The following PHACTR1 variants were observed in gnomAD, a reference collection of about 807,000 sequenced individuals.
The protein encoded by PHACTR1 is phosphatase and actin regulator 1.
A neutral mutation model predicts 69.2 loss-of-function variants in PHACTR1; 16 were observed. That is an observed-to-expected ratio of 0.23 (90% CI 0.16 to 0.35). The LOEUF (loss-of-function observed/expected upper bound fraction) is 0.35, where lower values mean the gene tolerates loss of function less well. PHACTR1 is among the 10% of genes least tolerant of loss of function. The pLI, the probability that PHACTR1 is intolerant of heterozygous loss-of-function variation, is 1.00. For synonymous variants in PHACTR1, 312 were observed against 284.5 expected, an observed-to-expected ratio of 1.10 and a Z score of -0.97; for missense variants, 510 against 734.7, an observed-to-expected ratio of 0.69 and a Z score of 3.54.
At chr6:12,838,286 A>G (rs977316784) in intron 4 of PHACTR1, among the ~76,000 whole-genome samples, 31 of 152,318 alleles carry the variant, frequency 2.0e-4, no homozygotes, top group Middle Eastern at 3.4e-3. Context: ...ACAGAAGCCA[A>G]CCTGGAGCCT....
intron 4 of PHACTR1, among the ~76,000 whole-genome samples, chr6:12,887,415 C>T (rs1006659191): frequency 4.6e-5 from 7 of 152,158 alleles, no homozygotes; most frequent in African/African-American, 1.7e-4. Flanking sequence ...TCTTCATTTC[C>T]CCAAATCTTA....
At chr6:12,779,894 T>C (rs1258013819) in intron 4 of PHACTR1, among the ~76,000 whole-genome samples, 3 of 152,224 alleles carry the variant, frequency 2.0e-5, no homozygotes, top group Non-Finnish European at 4.4e-5. Context: ...GAATATGTGA[T>C]GGTGAATTAT....
rs1345672534 is a variant in PHACTR1, at chr6:13,119,955, A to T, written c.416-40249A>T. Among the ~76,000 whole-genome samples the T allele has an allele frequency of 2.6e-5, 4 of 152,088 alleles. No individual in the cohort carries two copies. In the South Asian group the frequency reaches 8.3e-4, roughly 32 times the overall value. On this transcript the variant is annotated intron_variant, in intron 5 of 14. Transcript: ENST00000332995. ...CAACTCAAACCCACCTTTATTTATG[A>T]GGGAGTCGCTTCCTGGAGATGCACC...
chr6:12,721,709 A>G (rs754442388), intron 3 of PHACTR1, among the ~76,000 whole-genome samples: 1 of 151,988 alleles, frequency 6.6e-6, no homozygotes, highest in South Asian at 2.1e-4. Flanking sequence ...TGCTTTTACC[A>G]TTACTTGGGG....
intron 9 of PHACTR1, 71 bp from the exon 10 acceptor site, chr6:13,229,966 A>T (rs903475333): frequency 3.4e-6 from 5 of 1,470,498 alleles, no homozygotes; most frequent in Middle Eastern, 2.3e-4. Context: ...GTATCTTATG[A>T]CCCAGGGTTG....
chr6:12,933,542 A>G, intron 4 of PHACTR1: 1 of 1,552,282 alleles, frequency 6.4e-7, no homozygotes, highest in Non-Finnish European at 8.7e-7. Flanking sequence ...ATTTAATATA[A>G]TGGATCTCGC....
intron 10 of PHACTR1, among the ~76,000 whole-genome samples, chr6:13,269,749 G>C (rs1220418885): frequency 6.6e-6 from 1 of 152,094 alleles, no homozygotes; most frequent in Admixed American, 6.5e-5. Flanking sequence ...CAGGAGAATC[G>C]CTTGAACCCG....
chr6:13,171,651 G>T (rs1477475598), intron 6 of PHACTR1, among the ~76,000 whole-genome samples: 1 of 152,132 alleles, frequency 6.6e-6, no homozygotes, highest in East Asian at 1.9e-4. Flanking sequence ...CAATTTTAAC[G>T]AACTTGAACA....
chr6:12,818,989 T>G (rs1478735748), intron 4 of PHACTR1, among the ~76,000 whole-genome samples: 1 of 152,214 alleles, frequency 6.6e-6, no homozygotes, highest in South Asian at 2.1e-4. Context: ...GCGCAGAGTT[T>G]GGAAAACATT....
At chr6:12,910,779 G>A (rs1430380789) in intron 4 of PHACTR1, among the ~76,000 whole-genome samples, 1 of 152,180 alleles carries the variant, frequency 6.6e-6, no homozygotes, top group Non-Finnish European at 1.5e-5. Flanking sequence ...AAACTAAGGT[G>A]CAAAGACAGG....
chr6:13,133,506 G>C (rs1421218825), intron 5 of PHACTR1, among the ~76,000 whole-genome samples: 1 of 151,888 alleles, frequency 6.6e-6, no homozygotes, highest in Non-Finnish European at 1.5e-5. Context: ...CGTGTTGGCC[G>C]GGCTGGTCTC....
chr6:13,103,904 C>G (rs551373689), intron 5 of PHACTR1, among the ~76,000 whole-genome samples: 11 of 152,140 alleles, frequency 7.2e-5, no homozygotes, highest in Non-Finnish European at 1.5e-4. Context: ...GCCAACATGG[C>G]GAAACCCCAT....
rs552037312 is a variant in PHACTR1, at chr6:13,225,006, ACGTGGACTCAGAT to A, written c.987-2808_987-2796del. Reference sequence around the variant, plus strand: ...TGTCAAGAAGAGAGTAAGTGGCAAAACGTGGACTCAGATCTGTCTGGACTCCCCAAACTGAGGC... The same window carrying A: ...TGTCAAGAAGAGAGTAAGTGGCAAAACTGTCTGGACTCCCCAAACTGAGGC... On this transcript the variant is annotated intron_variant, in intron 8 of 14. Transcript: ENST00000332995. Among the ~76,000 whole-genome samples the A allele has an allele frequency of 2.2e-3, 334 of 152,258 alleles. 1 individual carries two copies. Among genetic ancestry groups the A allele is most frequent in the African/African-American group, 7.5e-3 (313 of 41,538 alleles).
At chr6:13,044,660 C>T (rs541914646) in intron 4 of PHACTR1, among the ~76,000 whole-genome samples, 2 of 152,180 alleles carry the variant, frequency 1.3e-5, no homozygotes, top group South Asian at 4.2e-4. Context: ...CTGGTGGGGG[C>T]CAGAAAGAAC....
intron 10 of PHACTR1, chr6:13,267,343 A>G (rs1187167095): frequency 6.6e-6 from 1 of 152,264 alleles, no homozygotes; most frequent in Non-Finnish European, 1.5e-5. Flanking sequence ...ATAGAGCAAG[A>G]GTGATAACAT....
chr6:13,107,880 A>G (rs755880750), intron 5 of PHACTR1, among the ~76,000 whole-genome samples: 1 of 151,784 alleles, frequency 6.6e-6, no homozygotes, highest in Non-Finnish European at 1.5e-5. Context: ...ACAACCATTC[A>G]TTTCCTTTCT....
At chr6:13,118,463 C>A (rs542513108) in intron 5 of PHACTR1, among the ~76,000 whole-genome samples, 7 of 147,074 alleles carry the variant, frequency 4.8e-5, no homozygotes, top group African/African-American at 7.5e-5. Flanking sequence ...GCTTGCCCAA[C>A]CAGGGCCATT....
intron 6 of PHACTR1, among the ~76,000 whole-genome samples, chr6:13,161,129 A>G (rs1758931869): frequency 6.6e-6 from 1 of 152,004 alleles, no homozygotes; most frequent in Non-Finnish European, 1.5e-5. Context: ...ACAGGTGTGT[A>G]TCACCACACC....
At chr6:12,895,340 C>T (rs142242146) in intron 4 of PHACTR1, among the ~76,000 whole-genome samples, 77 of 152,106 alleles carry the variant, frequency 5.1e-4, no homozygotes, top group African/African-American at 1.7e-3. Context: ...TGCCACCACA[C>T]CTGGCTAATT....
Sources: allele counts gnomAD v4.1 joint callset (sites outside exome capture counted in the v4.1 genomes callset), GRCh38; gene constraint gnomAD v4.1.1; transcripts MANE v1.5; gene names NCBI Gene and HGNC (gene_info 2026-07-23, HGNC 2026-07-21).